Variants in INPP4B observed in about 807,000 individuals in gnomAD.
INPP4B encodes inositol polyphosphate 4-phosphatase type II.
Under a neutral mutation model 122.5 loss-of-function variants are expected in INPP4B, and 55 were observed. That is an observed-to-expected ratio of 0.45 (90% CI 0.36 to 0.56). The LOEUF (loss-of-function observed/expected upper bound fraction) is 0.56, where lower values mean the gene tolerates loss of function less well. INPP4B is among the 20% of genes least tolerant of loss of function. The pLI, the probability that INPP4B is intolerant of heterozygous loss-of-function variation, is 0.00. For synonymous variants in INPP4B, 403 were observed against 388.7 expected (o/e 1.04, Z -0.43); for missense variants, 1,000 against 1,097.7 (o/e 0.91, Z 1.26).
At chr4:142,537,423 TATATATAGAGAGAGAGAG>T (rs1258366989) in intron 2 of INPP4B, among the ~76,000 whole-genome samples, 35 of 48,012 alleles carry the variant, frequency 7.3e-4, no homozygotes, top group African/African-American at 2.2e-3. Flanking sequence ...TATATATATA[TATATATAGAGAGAGAGAG>T]AGAGAGAGAG....
intron 22 of INPP4B, among the ~76,000 whole-genome samples, chr4:142,110,564 G>C (rs774758553): frequency 5.9e-5 from 9 of 152,114 alleles, no homozygotes; most frequent in African/African-American, 2.2e-4. Context: ...GAAAAAGGAG[G>C]TTCAGAGAAC....
In INPP4B at chr4:142,522,079, A is replaced by G. The variant is rs558560919; in HGVS notation, c.-190-59353T>C. Among the ~76,000 whole-genome samples, 8 of 152,198 alleles carry G rather than the reference A, an allele frequency of 5.3e-5. No individual in the cohort carries two copies. In the East Asian group the frequency reaches 1.2e-3, roughly 22 times the overall value. ...AGTTATTTCTCCTCTACTGGATTCA[A>G]TATGCATATATGTAAAACAATGACA... On this transcript the variant is annotated intron_variant, in intron 2 of 25. Transcript: ENST00000262992.
chr4:142,258,702 C>T (rs1397272989), intron 11 of INPP4B, among the ~76,000 whole-genome samples: 1 of 152,164 alleles, frequency 6.6e-6, no homozygotes, highest in Non-Finnish European at 1.5e-5. Flanking sequence ...AGTCAGGAAA[C>T]AACAGGTGTT....
chr4:142,567,478 A>G (rs377615728), intron 2 of INPP4B, among the ~76,000 whole-genome samples: 18 of 152,176 alleles, frequency 1.2e-4, no homozygotes, highest in African/African-American at 3.4e-4. Flanking sequence ...CCGATAAAGG[A>G]AGATGATGAA....
intron 7 of INPP4B, among the ~76,000 whole-genome samples, chr4:142,372,359 A>G (rs1188122509): frequency 2.0e-5 from 3 of 152,084 alleles, no homozygotes; most frequent in East Asian, 1.9e-4. Context: ...ATAGTTAACA[A>G]TCATTTACTG....
chr4:142,525,980 T>C (rs1243667359), intron 2 of INPP4B, among the ~76,000 whole-genome samples: 2 of 152,078 alleles, frequency 1.3e-5, no homozygotes, highest in Non-Finnish European at 2.9e-5. Context: ...AAATTTCTGC[T>C]TTTAGCTTTA....
intron 2 of INPP4B, among the ~76,000 whole-genome samples, chr4:142,551,029 A>G (rs967434104): frequency 6.6e-6 from 1 of 152,210 alleles, no homozygotes; most frequent in African/African-American, 2.4e-5. Context: ...AAACTAGTAG[A>G]TATTCTAACC....
chr4:142,396,979 A>G (rs1274085252), intron 7 of INPP4B, among the ~76,000 whole-genome samples: 1 of 152,180 alleles, frequency 6.6e-6, no homozygotes, highest in East Asian at 1.9e-4. Context: ...AAAAATGGAA[A>G]TGGTCTATAT....
rs911411730 is a variant in INPP4B at position 142,474,395 on chromosome 4, T to A, written c.-190-11669A>T. 4.6e-5 allele frequency: 7 copies of A among 151,950 alleles called. No homozygotes were observed. In the South Asian group the frequency reaches 8.3e-4, roughly 18 times the overall value. The allele number at this position is 151,950 out of a possible 1,614,324, so 9.4% of individuals were successfully genotyped here. The stretch of plus-strand genomic sequence containing the variant: ...CCTGTTAGAGCTTCCAGCCCAGTGA[T>A]CCTTCTGCTGTCTGAGCTCAGAAGG... On this transcript the variant is annotated intron_variant, in intron 2 of 25. Coordinates refer to ENST00000262992, the MANE Select transcript of INPP4B (RefSeq NM_001101669.3).
At chr4:142,577,082 G>T (rs1734015210) in intron 2 of INPP4B, among the ~76,000 whole-genome samples, 1 of 151,960 alleles carries the variant, frequency 6.6e-6, no homozygotes, top group South Asian at 2.1e-4. Flanking sequence ...TCTTAATAAT[G>T]CTTTCCTAGA....
chr4:142,825,495 C>A (rs961477406), intron 1 of INPP4B, among the ~76,000 whole-genome samples: 1 of 151,928 alleles, frequency 6.6e-6, no homozygotes, highest in African/African-American at 2.4e-5. Flanking sequence ...CATATCATAT[C>A]ATATATCATT....
intron 25 of INPP4B, among the ~76,000 whole-genome samples, chr4:142,066,574 CA>C (rs1229213660): frequency 6.6e-6 from 1 of 152,186 alleles, no homozygotes; most frequent in Non-Finnish European, 1.5e-5. Flanking sequence ...CCTCTCCTAG[CA>C]AAGGAAGCCG....
At chr4:142,673,377 C>G (rs1471606242) in intron 2 of INPP4B, among the ~76,000 whole-genome samples, 4 of 151,254 alleles carry the variant, frequency 2.6e-5, no homozygotes, top group African/African-American at 9.7e-5. Flanking sequence ...ATGAGTGTTG[C>G]TAGTCACTCT....
At chr4:142,140,396 T>G (rs1807151828) in intron 18 of INPP4B, among the ~76,000 whole-genome samples, 1 of 152,176 alleles carries the variant, frequency 6.6e-6, no homozygotes, top group African/African-American at 2.4e-5. Flanking sequence ...TATGAATGGG[T>G]GAACATAGAG....
intron 9 of INPP4B, among the ~76,000 whole-genome samples, chr4:142,284,231 T>A (rs1189771584): frequency 6.6e-6 from 1 of 152,172 alleles, no homozygotes; most frequent in African/African-American, 2.4e-5. Flanking sequence ...GGGACATAAG[T>A]TAGAAAGATA....
chr4:142,102,479 TTTG>T (rs1449418852), intron 23 of INPP4B, among the ~76,000 whole-genome samples: 171 of 150,746 alleles, frequency 1.1e-3, no homozygotes, highest in African/African-American at 3.8e-3. Context: ...TTTTTTTTTT[TTTG>T]AAGCTTTTCC....
chr4:142,467,199 A>G (rs1817947855), intron 2 of INPP4B, among the ~76,000 whole-genome samples: 1 of 152,216 alleles, frequency 6.6e-6, no homozygotes, highest in South Asian at 2.1e-4. Flanking sequence ...AGACCTGAGA[A>G]TGGCAGAGCC....
chr4:142,844,276 A>G lies in INPP4B; in HGVS notation c.-254+1933T>C, dbSNP rs116292657. ...AAATATGCACATCATAGTGATCATT[A>G]TTTTATCACAAATAAATATTGATTT... On this transcript the variant is annotated intron_variant, in intron 1 of 25. Coordinates refer to ENST00000262992, the MANE Select transcript of INPP4B (RefSeq NM_001101669.3). Among the ~76,000 whole-genome samples the G allele has an allele frequency of 6.2e-3, 939 of 152,338 alleles. 10 individuals are homozygous for G. Among genetic ancestry groups the G allele is most frequent in the African/African-American group, 0.022 (907 of 41,584 alleles).
intron 15 of INPP4B, among the ~76,000 whole-genome samples, chr4:142,178,593 T>C (rs998773329): frequency 2.0e-5 from 3 of 152,156 alleles, no homozygotes; most frequent in Non-Finnish European, 4.4e-5. Flanking sequence ...ACCAAGCTAC[T>C]ATTTTATGCA....
Sources: gnomAD v4.1 joint callset for allele counts (sites outside exome capture counted in the v4.1 genomes callset) on GRCh38, gnomAD v4.1.1 for gene constraint, MANE v1.5 for transcripts, NCBI Gene and HGNC (gene_info 2026-07-23, HGNC 2026-07-21) for gene names.